GALNT10: variants seen among roughly 807,000 people sequenced by gnomAD.
GALNT10 encodes the protein polypeptide N-acetylgalactosaminyltransferase 10, also known as GalNAc transferase 10.
In GALNT10, 41 loss-of-function variants were observed where a neutral mutation model predicts 75.0. The ratio of observed to expected loss-of-function variants is 0.55; its 90% confidence interval spans 0.43 to 0.71. The LOEUF is 0.71. Among genes scored for constraint, GALNT10 ranks in the 30% least tolerant of loss-of-function variants. GALNT10 has a pLI of 0.00. For synonymous variants in GALNT10, 302 were observed against 313.0 expected (o/e 0.96, Z 0.37); for missense variants, 727 against 818.5 (o/e 0.89, Z 1.36).
chr5:154,197,728 T>C (rs1774967850), intron 1 of GALNT10, among the ~76,000 whole-genome samples: 1 of 152,204 alleles, frequency 6.6e-6, no homozygotes, highest in Non-Finnish European at 1.5e-5. Context: ...ATGTTAATAG[T>C]AGTAATAGCA....
chr5:154,367,525 G>C (rs1245923273), intron 4 of GALNT10, among the ~76,000 whole-genome samples: 4 of 152,150 alleles, frequency 2.6e-5, no homozygotes, highest in Non-Finnish European at 5.9e-5. Flanking sequence ...CAGGTTTGCT[G>C]GGGTAGGGGG....
In GALNT10 at chr5:154,412,119, C is replaced by A. The variant is rs192083199; in HGVS notation, c.1387-770C>A. On this transcript the variant is annotated intron_variant, in intron 9 of 11. Coordinates refer to ENST00000297107, the MANE Select transcript of GALNT10 (RefSeq NM_198321.4). This position sits in a 1 kb window ranked among gnomAD's most constrained non-coding sequence, Gnocchi z 4.2. ...TACAGGATCTGGGTGCAATGAGACT[C>A]TCTGCAACAGGAAATTGGGTGGTGC... 6.6e-6 allele frequency among the ~76,000 whole-genome samples: 1 copy of A among 152,212 alleles called. No homozygotes were observed. Among genetic ancestry groups the A allele is most frequent in the African/African-American group, 2.4e-5 (1 of 41,436 alleles).
chr5:154,256,490 A>G (rs1206267219), intron 1 of GALNT10, among the ~76,000 whole-genome samples: 1 of 150,898 alleles, frequency 6.6e-6, no homozygotes, highest in Non-Finnish European at 1.5e-5. Flanking sequence ...TTCATTTATT[A>G]TTTCATATCA....
At chr5:154,339,337 T>A (rs1387707046) in intron 4 of GALNT10, among the ~76,000 whole-genome samples, 1 of 152,198 alleles carries the variant, frequency 6.6e-6, no homozygotes, top group Non-Finnish European at 1.5e-5. Flanking sequence ...ATCTTTGACA[T>A]CCTAAACGCT....
chr5:154,346,747 G>T (rs908732309), intron 4 of GALNT10, among the ~76,000 whole-genome samples: 2 of 152,032 alleles, frequency 1.3e-5, no homozygotes, highest in African/African-American at 4.8e-5. Context: ...CTAAATGGAA[G>T]ATTTAAACCT....
chr5:154,232,484 G>A (rs113107916), intron 1 of GALNT10, among the ~76,000 whole-genome samples: 37 of 152,282 alleles, frequency 2.4e-4, no homozygotes, highest in African/African-American at 8.9e-4. Flanking sequence ...GTGGGGTGGT[G>A]GGGGAACAGA....
intron 3 of GALNT10, among the ~76,000 whole-genome samples, chr5:154,299,266 C>G (rs1754327195): frequency 6.6e-6 from 1 of 152,200 alleles, no homozygotes; most frequent in Non-Finnish European, 1.5e-5. Context: ...GTCCAGCAAT[C>G]AGTGTTTTAA....
chr5:154,323,782 G>A (rs1478484704), intron 3 of GALNT10, among the ~76,000 whole-genome samples: 1 of 151,948 alleles, frequency 6.6e-6, no homozygotes, highest in Non-Finnish European at 1.5e-5. Context: ...ATCCTGTCAG[G>A]TACTGAAACC....
At chr5:154,324,176 C>T (rs1245299028) in intron 3 of GALNT10, among the ~76,000 whole-genome samples, 1 of 152,180 alleles carries the variant, frequency 6.6e-6, no homozygotes, top group African/African-American at 2.4e-5. Flanking sequence ...ATCATGCCTT[C>T]CATGTGGGGT....
chr5:154,196,018 G>T (rs549688364), intron 1 of GALNT10, among the ~76,000 whole-genome samples: 1 of 152,240 alleles, frequency 6.6e-6, no homozygotes, highest in Admixed American at 6.5e-5. Context: ...CACCTCCCAG[G>T]TTCAAGTGAT....
intron 1 of GALNT10, among the ~76,000 whole-genome samples, chr5:154,206,499 G>A (rs1775112706): frequency 1.3e-5 from 2 of 152,242 alleles, no homozygotes; most frequent in Admixed American, 6.5e-5. Flanking sequence ...AGAGCATGAC[G>A]AGTGTTGCAA....
chr5:154,298,004 G>C lies in GALNT10; in HGVS notation c.326G>C (p.Arg109Pro), dbSNP rs765038396. 1 of 1,613,016 alleles carries C rather than the reference G, an allele frequency of 6.2e-7. No individual in the cohort carries two copies. Among genetic ancestry groups the C allele is most frequent in the Admixed American group, 1.7e-5 (1 of 59,984 alleles). Reference sequence around the variant, plus strand: ...GCTGAGAGAGTGGATCAGGCATACCGAGAAAATGGATTTAACATCTACGTC... The same window carrying C: ...GCTGAGAGAGTGGATCAGGCATACCCAGAAAATGGATTTAACATCTACGTC... ...TDAERVDQAYRENGFNIYVSD... is the reference protein window; with the variant it reads ...TDAERVDQAYPENGFNIYVSD... Residue 109 changes from arginine to proline, a missense_variant, in exon 3 of 12, where the codon CGA becomes CCA. Transcript: ENST00000297107. The surrounding 1 kb of genome is among the most constrained non-coding windows in gnomAD (Gnocchi z 4.1).
intron 1 of GALNT10, among the ~76,000 whole-genome samples, chr5:154,248,392 G>C (rs970749265): frequency 2.6e-5 from 4 of 152,202 alleles, no homozygotes; most frequent in Non-Finnish European, 5.9e-5. Context: ...AATGGTAACA[G>C]CTCCTCCTTG....
chr5:154,352,488 C>T lies in GALNT10; in HGVS notation c.568+22750C>T, dbSNP rs1755220073. On this transcript the variant is annotated intron_variant, in intron 4 of 11. Transcript: ENST00000297107. This position sits in a 1 kb window ranked among gnomAD's most constrained non-coding sequence, Gnocchi z 4.4. ...CCTTGTAAGGGAGGTATAATATTATCCCCATTTTGCCCATGAAAACCCTGC... is the reference window on the plus strand; with the variant it reads ...CCTTGTAAGGGAGGTATAATATTATTCCCATTTTGCCCATGAAAACCCTGC... 6.6e-6 allele frequency among the ~76,000 whole-genome samples: 1 copy of T among 152,164 alleles called. No individual in the cohort carries two copies. Among genetic ancestry groups the T allele is most frequent in the African/African-American group, 2.4e-5 (1 of 41,436 alleles).
At chr5:154,257,882 A>T (rs1486119669) in intron 1 of GALNT10, among the ~76,000 whole-genome samples, 1 of 152,162 alleles carries the variant, frequency 6.6e-6, no homozygotes, top group African/African-American at 2.4e-5. Flanking sequence ...TGTTTTTAAA[A>T]ATCTTTCTTG....
At chr5:154,245,320 C>A (rs960624253) in intron 1 of GALNT10, among the ~76,000 whole-genome samples, 1 of 152,158 alleles carries the variant, frequency 6.6e-6, no homozygotes, top group South Asian at 2.1e-4. Context: ...GATGTTGAGG[C>A]TAGCAATGAC....
rs535165313 is a variant in GALNT10 at position 154,253,974 on chromosome 5, C to T, written c.160-40842C>T. Among the ~76,000 whole-genome samples the T allele has an allele frequency of 5.3e-5, 8 of 152,266 alleles. No individual in the cohort carries two copies. In the South Asian group the frequency reaches 1.5e-3, roughly 28 times the overall value. On this transcript the variant is annotated intron_variant, in intron 1 of 11. Transcript: ENST00000297107. Reference sequence around the variant, plus strand: ...TTCAGACCTGCTCACTGTGGACCTTCTACACTCACCCATTACTGCATTGGG... The same window carrying T: ...TTCAGACCTGCTCACTGTGGACCTTTTACACTCACCCATTACTGCATTGGG...
In GALNT10 at chr5:154,295,591, C is replaced by T. The variant is rs559416639; in HGVS notation, c.262+673C>T. On this transcript the variant is annotated intron_variant, in intron 2 of 11. Transcript: ENST00000297107. ...TTAGTCTTGGGAGCAGTTCCGTTTA[C>T]ACTGGTGAGTTGGGAAGGGTTGGGG... Among the ~76,000 whole-genome samples, 3 of 152,278 alleles carry T rather than the reference C, an allele frequency of 2.0e-5. No homozygotes were observed. The East Asian group carries it at 5.8e-4, about 29-fold the overall frequency.
chr5:154,202,197 G>A (rs1473194909), intron 1 of GALNT10, among the ~76,000 whole-genome samples: 2 of 152,324 alleles, frequency 1.3e-5, no homozygotes, highest in East Asian at 1.9e-4. Context: ...CCCAGAGGCA[G>A]CTGAACATAG....
Sources: gnomAD v4.1 joint callset for allele counts (sites outside exome capture counted in the v4.1 genomes callset) on GRCh38, gnomAD v4.1.1 for gene constraint, Gnocchi (gnomAD v3.1) non-coding constraint, MANE v1.5 for transcripts, NCBI Gene and HGNC (gene_info 2026-07-23, HGNC 2026-07-21) for gene names.